Variants in SERINC1 observed in about 807,000 individuals in gnomAD.
SERINC1 encodes serine incorporator 1.
SERINC1 carries 38 observed loss-of-function variants against 52.9 expected under a neutral mutation model. That is an observed-to-expected ratio of 0.72 (90% CI 0.55 to 0.94). The LOEUF is 0.94. Ranked by LOEUF, SERINC1 falls within the 40% of genes least tolerant of loss-of-function variation. The probability of loss-of-function intolerance (pLI) is 0.00; values close to 1 mark genes in which losing one functional copy is unlikely to be tolerated. For synonymous variants in SERINC1, 198 were observed against 183.1 expected, an observed-to-expected ratio of 1.08 and a Z score of -0.66; for missense variants, 471 against 533.9, an observed-to-expected ratio of 0.88 and a Z score of 1.16.
rs558179681 is a variant in SERINC1 at position 122,443,738 on chromosome 6, A to T, written c.*1306T>A. On this transcript the variant is annotated 3_prime_UTR_variant, in exon 10 of 10. Coordinates refer to ENST00000339697, the MANE Select transcript of SERINC1 (RefSeq NM_020755.4). ...ATGCTGGACACCAGCAATCCACATC[A>T]CATAAATTATCCACCAGTAATGAGG... is the stretch of plus-strand genomic sequence containing the variant. The T allele has an allele frequency of 3.9e-5, 6 of 152,374 alleles. No individual in the cohort carries two copies. In the East Asian group the frequency reaches 1.2e-3, roughly 29 times the overall value. 9.4% of individuals were successfully genotyped at this position (152,374 alleles called of 1,614,324 possible). A position where few individuals can be genotyped will look rare whatever the true frequency, so the allele number is the denominator to read the frequency against.
At chr6:122,459,165 G>A (rs1775056000) in intron 1 of SERINC1, among the ~76,000 whole-genome samples, 1 of 152,122 alleles carries the variant, frequency 6.6e-6, no homozygotes, top group African/African-American at 2.4e-5. Context: ...TGATAATAAT[G>A]AAAACTACAA....
At position 122,443,429 on chromosome 6, in the gene SERINC1, G is replaced by T. The variant is rs1425737699; in HGVS notation, c.*1615C>A. ...ATACAATGTCTACACACAGAATAAG[G>T]TTGGGGAATTAAGCTGAATTGTTAT... On this transcript the variant is annotated 3_prime_UTR_variant, in exon 10 of 10. Transcript: ENST00000339697. 1 of 152,008 alleles carries T rather than the reference G, an allele frequency of 6.6e-6. No individual in the cohort carries two copies. Among genetic ancestry groups the T allele is most frequent in the African/African-American group, 2.4e-5 (1 of 41,330 alleles). 9.4% of individuals were successfully genotyped at this position (152,008 alleles called of 1,614,324 possible). A position where few individuals can be genotyped will look rare whatever the true frequency, so the allele number is the denominator to read the frequency against.
chr6:122,452,187 A>G, intron 5 of SERINC1, 130 bp from the exon 6 acceptor site: 1 of 551,072 alleles, frequency 1.8e-6, no homozygotes, highest in South Asian at 3.9e-5. Context: ...CATTGTCAGC[A>G]TTATAAAGGC....
Position 122,471,724 on chromosome 6 carries a change from A to G in SERINC1, c.14T>C (p.Leu5Pro), listed in dbSNP as rs1248325236. 1 of 1,614,184 alleles carries G rather than the reference A, an allele frequency of 6.2e-7. No individual in the cohort carries two copies. The highest frequency in any genetic ancestry group is 8.5e-7 in the Non-Finnish European group (1 of 1,180,008). The change falls in exon 1 of 10, where the codon CTG becomes CCG. Residue 5 changes from leucine to proline, a missense_variant. By Grantham distance (98) the Leu-to-Pro change is moderately conservative (BLOSUM62 -3). Transcript: ENST00000339697. The part of the protein sequence containing the change: MGSV[L>P]GLCSMASWIP... ...CCAGCTCGCCATGGAGCACAGCCCC[A>G]GGACGCTCCCCATCTCCACAACGTC...
chr6:122,471,702 G>T lies in SERINC1; in HGVS notation c.36C>A (p.Ser12Arg). 6.2e-7 allele frequency: 1 copy of T among 1,614,146 alleles called. No homozygotes were observed. The highest frequency in any genetic ancestry group is 8.5e-7 in the Non-Finnish European group (1 of 1,179,998). ...GSVLGLCSMA[S>R]WIPCLCGSAP... ...GAGGCCGCAAAAAGCACCTTACCCA[G>T]CTCGCCATGGAGCACAGCCCCAGGA... The change falls in exon 1 of 10, where the codon AGC (serine) becomes AGA (arginine). Residue 12 changes from serine to arginine, a missense_variant. Transcript: ENST00000339697.
At chr6:122,451,009 T>C (rs1774893373) in intron 7 of SERINC1, among the ~76,000 whole-genome samples, 1 of 152,190 alleles carries the variant, frequency 6.6e-6, no homozygotes, top group Non-Finnish European at 1.5e-5. Flanking sequence ...GGAGCAGGTT[T>C]AAGAGGATTG....
chr6:122,454,984 G>A (rs565420268), intron 3 of SERINC1, among the ~76,000 whole-genome samples: 1 of 152,246 alleles, frequency 6.6e-6, no homozygotes, highest in East Asian at 1.9e-4. Context: ...AAGATTTACT[G>A]ACTTCACATC....
chr6:122,464,013 C>A (rs1051796790), intron 1 of SERINC1, among the ~76,000 whole-genome samples: 6 of 152,018 alleles, frequency 3.9e-5, no homozygotes, highest in African/African-American at 1.4e-4. Flanking sequence ...TAAAAACATA[C>A]GGAGAATGAA....
intron 7 of SERINC1, among the ~76,000 whole-genome samples, chr6:122,448,036 G>A (rs1466547214): frequency 2.6e-5 from 4 of 151,584 alleles, no homozygotes; most frequent in Admixed American, 6.6e-5. Context: ...ACTCGAACCC[G>A]GGAGGCGGTT....
intron 7 of SERINC1, 80 bp downstream of exon 7, chr6:122,451,583 AT>A: frequency 1.9e-6 from 1 of 531,964 alleles, no homozygotes. Flanking sequence ...TTTTTAAGTA[AT>A]TTAATCTCAC....
At chr6:122,450,672 A>G (rs1305632295) in intron 7 of SERINC1, among the ~76,000 whole-genome samples, 2 of 152,220 alleles carry the variant, frequency 1.3e-5, no homozygotes. Context: ...TTCATGATTC[A>G]TGGGAAAAAA....
intron 1 of SERINC1, among the ~76,000 whole-genome samples, chr6:122,459,642 T>C (rs994946091): frequency 1.3e-5 from 2 of 152,058 alleles, no homozygotes; most frequent in Admixed American, 6.6e-5. Flanking sequence ...ATAAGGCATA[T>C]GAAGAATTCA....
chr6:122,451,780 T>TATAC (rs1774912236), intron 6 of SERINC1, 26 bp from the exon 7 acceptor site: 1 of 126,432 alleles, frequency 7.9e-6, no homozygotes, highest in Non-Finnish European at 1.2e-5. Flanking sequence ...AAAAAAAATA[T>TATAC]ATATATATAT....
intron 1 of SERINC1, among the ~76,000 whole-genome samples, chr6:122,468,661 C>G (rs1219434776): frequency 6.6e-6 from 1 of 152,104 alleles, no homozygotes; most frequent in African/African-American, 2.4e-5. Flanking sequence ...TACAAATACA[C>G]AATGCACCCA....
rs1774822286 is a variant in SERINC1 at position 122,447,232 on chromosome 6, A to G, written c.884T>C (p.Ile295Thr). The G allele has an allele frequency of 3.1e-6, 5 of 1,612,460 alleles. No individual in the cohort carries two copies. Among genetic ancestry groups the G allele is most frequent in the African/African-American group, 1.3e-5 (1 of 74,884 alleles). Reference sequence around the variant, plus strand: ...GACAGTGCTTGTTGTATTGTAGCCAATTATGCTTAGTAGACTTGGGTTGCA... The same window carrying G: ...GACAGTGCTTGTTGTATTGTAGCCAGTTATGCTTAGTAGACTTGGGTTGCA... ...TNCNPSLLSIIGYNTTSTVPK... is the reference protein window; with the variant it reads ...TNCNPSLLSITGYNTTSTVPK... Residue 295 changes from isoleucine (I) to threonine (T), a missense_variant, in exon 8 of 10, where the codon ATT becomes ACT. Physicochemically the swap from Ile to Thr is moderately conservative, Grantham distance 89. Coordinates refer to ENST00000339697, the MANE Select transcript of SERINC1 (RefSeq NM_020755.4).
chr6:122,454,355 G>A, intron 3 of SERINC1, 125 bp from the exon 4 acceptor site: 1 of 605,018 alleles, frequency 1.7e-6, no homozygotes. Flanking sequence ...TTCTTTCTGA[G>A]GATATTATGA....
intron 6 of SERINC1, 22 bp from the exon 7 acceptor site, chr6:122,451,776 A>AAAAAAATATATATATATAT: frequency 2.7e-5 from 3 of 113,060 alleles, no homozygotes; most frequent in East Asian, 3.4e-4. Context: ...AAAAAAAAAA[A>AAAAAAATATATATATATAT]ATATATATAT....
intron 9 of SERINC1, among the ~76,000 whole-genome samples, chr6:122,445,934 CA>C (rs2114472687): frequency 7.1e-6 from 1 of 141,592 alleles, no homozygotes; most frequent in African/African-American, 2.6e-5. Flanking sequence ...TAATACGCTA[CA>C]GTGTAAGAAT....
At chr6:122,447,389 C>A in intron 7 of SERINC1, 124 bp from the exon 8 acceptor site, 1 of 661,722 alleles carries the variant, frequency 1.5e-6, no homozygotes, top group Non-Finnish European at 2.5e-6. Context: ...GAAAAGGCAT[C>A]AGTATAACAA....
Sources: gnomAD v4.1 joint callset for allele counts (sites outside exome capture counted in the v4.1 genomes callset) on GRCh38, gnomAD v4.1.1 for gene constraint, MANE v1.5 for transcripts, NCBI Gene and HGNC (gene_info 2026-07-23, HGNC 2026-07-21) for gene names.